Variants in SCAMP1 observed in about 807,000 individuals in gnomAD.
SCAMP1 encodes the protein secretory carrier membrane protein 1, also known as secretory carrier-associated membrane protein 1.
SCAMP1 carries 15 observed loss-of-function variants against 41.8 expected under a neutral mutation model. That is an observed-to-expected ratio of 0.36 (90% confidence interval 0.24 to 0.55). SCAMP1 has a LOEUF of 0.55. Among genes scored for constraint, SCAMP1 ranks in the 20% least tolerant of loss-of-function variants. The pLI is 0.86. For missense variants in SCAMP1, 341 were observed against 412.6 expected (o/e 0.83, Z 1.50); for synonymous variants, 135 against 136.8 (o/e 0.99, Z 0.09).
At chr5:78,409,871 T>G (rs998971067) in intron 2 of SCAMP1, among the ~76,000 whole-genome samples, 2 of 152,216 alleles carry the variant, frequency 1.3e-5, no homozygotes, top group Admixed American at 1.3e-4. Context: ...GGGTAATTTC[T>G]TCTGTGTTTT....
chr5:78,392,321 G>T (rs574385479), intron 2 of SCAMP1, among the ~76,000 whole-genome samples: 4 of 152,146 alleles, frequency 2.6e-5, no homozygotes, highest in Non-Finnish European at 4.4e-5. Context: ...CTGAGACACA[G>T]GTCAGCTAGC....
chr5:78,404,820 TAGA>T (rs1426317774), intron 2 of SCAMP1, among the ~76,000 whole-genome samples: 3 of 152,192 alleles, frequency 2.0e-5, no homozygotes, highest in Non-Finnish European at 4.4e-5. Flanking sequence ...CTCCACTTGT[TAGA>T]AGAAGGAGGG....
intron 1 of SCAMP1, among the ~76,000 whole-genome samples, chr5:78,367,537 T>C (rs1035008786): frequency 3.9e-5 from 6 of 152,204 alleles, no homozygotes; most frequent in African/African-American, 1.4e-4. Context: ...GCAGCAGTGC[T>C]CCCAGAGGGC....
intron 6 of SCAMP1, among the ~76,000 whole-genome samples, chr5:78,426,529 C>G (rs1281695076): frequency 6.6e-6 from 1 of 152,190 alleles, no homozygotes; most frequent in East Asian, 1.9e-4. Flanking sequence ...TTGCGTTTCT[C>G]TAATGACCAG....
At chr5:78,434,544 C>T (rs1752697696) in intron 6 of SCAMP1, among the ~76,000 whole-genome samples, 1 of 109,096 alleles carries the variant, frequency 9.2e-6, no homozygotes, top group African/African-American at 4.1e-5. Flanking sequence ...TTCCTTCCTT[C>T]TTTCTTCCTT....
At chr5:78,400,603 G>A (rs896379670) in intron 2 of SCAMP1, among the ~76,000 whole-genome samples, 1 of 152,084 alleles carries the variant, frequency 6.6e-6, no homozygotes, top group Admixed American at 6.6e-5. Flanking sequence ...TTTTACTTTG[G>A]GAGATGTTTA....
intron 8 of SCAMP1, among the ~76,000 whole-genome samples, chr5:78,460,791 TCCTTCCTTCCTTCCTC>T (rs1366241017): frequency 1.3e-4 from 6 of 47,398 alleles, no homozygotes; most frequent in Admixed American, 5.7e-4. Flanking sequence ...CTTCCTTCCT[TCCTTCCTTCCTTCCTC>T]CCTTCCTTCC....
intron 1 of SCAMP1, among the ~76,000 whole-genome samples, chr5:78,377,435 G>A (rs1226338279): frequency 2.0e-5 from 3 of 152,268 alleles, no homozygotes; most frequent in Middle Eastern, 3.4e-3. Context: ...AATAGGATTG[G>A]ATTGATTAGC....
At chr5:78,371,213 C>G (rs1191866886) in intron 1 of SCAMP1, among the ~76,000 whole-genome samples, 1 of 152,056 alleles carries the variant, frequency 6.6e-6, no homozygotes, top group African/African-American at 2.4e-5. Flanking sequence ...GTTTTAGTGT[C>G]ACATCTAAGA....
chr5:78,417,449 C>T lies in SCAMP1; in HGVS notation c.343+800C>T, dbSNP rs556222238. On this transcript the variant is annotated intron_variant, in intron 4 of 8. Transcript: ENST00000621999. ...ACTGGGACCAATGTTTCTGAAGTAC[C>T]TGTAACTAAAATCCATCCTATTTCT... 5.9e-5 allele frequency among the ~76,000 whole-genome samples: 9 copies of T among 152,288 alleles called. No homozygotes were observed. In the South Asian group the frequency reaches 1.7e-3, roughly 28 times the overall value.
chr5:78,388,202 A>G (rs753114496), intron 1 of SCAMP1, among the ~76,000 whole-genome samples: 15 of 152,170 alleles, frequency 9.9e-5, no homozygotes, highest in African/African-American at 1.9e-4. Flanking sequence ...ATTGCCTCCT[A>G]TCTGCCATTT....
chr5:78,460,822 T>TTCCTTCCTTCCTTCCTTCCTTCC lies in SCAMP1; in HGVS notation c.852+1461_852+1462insCCTTCCTTCCTTCCTTCCTTCCT, dbSNP rs1320918887. ...CTTCCTTCCTCCCTTCCTTCCTTCC[T>TTCCTTCCTTCCTTCCTTCCTTCC]TTCTTGTCTTTCCTCTATCTGTCTC... On this transcript the variant is annotated intron_variant, in intron 8 of 8. Transcript: ENST00000621999. Among the ~76,000 whole-genome samples the TTCCTTCCTTCCTTCCTTCCTTCC allele has an allele frequency of 1.9e-4, 9 of 47,786 alleles. 1 individual carries two copies. Among genetic ancestry groups the TTCCTTCCTTCCTTCCTTCCTTCC allele is most frequent in the Middle Eastern group, 0.011 (1 of 94 alleles). 31.3% of individuals were successfully genotyped at this position (47,786 alleles called of 152,430 possible).
At chr5:78,443,167 C>T (rs528344463) in intron 6 of SCAMP1, among the ~76,000 whole-genome samples, 5 of 133,626 alleles carry the variant, frequency 3.7e-5, no homozygotes, top group Middle Eastern at 4.8e-3. Flanking sequence ...GAGCTGAGAT[C>T]GTACCACTGC....
intron 1 of SCAMP1, among the ~76,000 whole-genome samples, chr5:78,387,851 C>T (rs554965173): frequency 7.7e-4 from 117 of 152,270 alleles, no homozygotes; most frequent in African/African-American, 2.6e-3. Flanking sequence ...CACCTGTTCC[C>T]GTGGAGGTAG....
Position 78,429,793 on chromosome 5 carries a change from C to T in SCAMP1, c.632+7833C>T, listed in dbSNP as rs142389907. 4.8e-4 allele frequency among the ~76,000 whole-genome samples: 73 copies of T among 152,036 alleles called. 1 individual carries two copies. In the South Asian group the frequency reaches 8.7e-3, roughly 18 times the overall value. On this transcript the variant is annotated intron_variant, in intron 6 of 8. Transcript: ENST00000621999. ...TCCATATTTATTGTATTTTGAGAAG[C>T]GGATTTGTTGACTTCCTCATTCTGT...
chr5:78,402,504 TTAGGTGGATG>T (rs990537699), intron 2 of SCAMP1, among the ~76,000 whole-genome samples: 2 of 152,182 alleles, frequency 1.3e-5, no homozygotes, highest in Non-Finnish European at 2.9e-5. Flanking sequence ...TGCTCTGTCA[TTAGGTGGATG>T]TACATTAAGG....
chr5:78,473,791 G>C (rs1203066913), intron 8 of SCAMP1, among the ~76,000 whole-genome samples: 1 of 151,972 alleles, frequency 6.6e-6, no homozygotes, highest in African/African-American at 2.4e-5. Flanking sequence ...TCTACTCTGG[G>C]TTCTCCATAG....
chr5:78,474,982 A>G (rs1034203318), intron 8 of SCAMP1, among the ~76,000 whole-genome samples: 17 of 152,320 alleles, frequency 1.1e-4, no homozygotes, highest in African/African-American at 3.8e-4. Flanking sequence ...GTTAAATTGT[A>G]TACAGAGTGC....
At chr5:78,451,954 C>G (rs746370414) in intron 7 of SCAMP1, among the ~76,000 whole-genome samples, 2 of 152,158 alleles carry the variant, frequency 1.3e-5, no homozygotes, top group African/African-American at 4.8e-5. Flanking sequence ...CATGTCTGGC[C>G]TCCTTTTTAT....
Sources: gnomAD v4.1 joint callset for allele counts (sites outside exome capture counted in the v4.1 genomes callset) on GRCh38, gnomAD v4.1.1 for gene constraint, MANE v1.5 for transcripts, NCBI Gene and HGNC (gene_info 2026-07-23, HGNC 2026-07-21) for gene names.